Variants in DGKB observed in about 807,000 individuals in gnomAD.
The protein encoded by DGKB is 90 kDa diacylglycerol kinase.
DGKB carries 67 observed loss-of-function variants against 114.3 expected under a neutral mutation model. That is an observed-to-expected ratio of 0.59 (90% CI 0.48 to 0.72). DGKB has a LOEUF of 0.72. DGKB is among the 30% of genes least tolerant of loss of function. The pLI is 0.00. For synonymous variants in DGKB, 398 were observed against 323.1 expected (o/e 1.23, Z -2.49); for missense variants, 907 against 975.2 (o/e 0.93, Z 0.93).
intron 5 of DGKB, among the ~76,000 whole-genome samples, chr7:14,728,876 T>C (rs998380097): frequency 1.3e-5 from 2 of 151,864 alleles, no homozygotes; most frequent in African/African-American, 4.8e-5. Flanking sequence ...CTGATTTTTG[T>C]ATTTTTAGTA....
intron 21 of DGKB, among the ~76,000 whole-genome samples, chr7:14,354,058 C>T (rs1814008568): frequency 6.6e-6 from 1 of 152,100 alleles, no homozygotes; most frequent in Non-Finnish European, 1.5e-5. Context: ...TTTTCTTCTT[C>T]CCCCATCCCA....
chr7:14,864,034 G>A (rs898219283), intron 1 of DGKB, among the ~76,000 whole-genome samples: 1 of 151,214 alleles, frequency 6.6e-6, no homozygotes, highest in African/African-American at 2.4e-5. Context: ...AGGAGGCAGA[G>A]GTTGCGATCA....
intron 13 of DGKB, among the ~76,000 whole-genome samples, chr7:14,660,741 G>A (rs62443691): frequency 0.021 from 3,249 of 151,826 alleles, 49 homozygotes; most frequent in South Asian, 0.038. Flanking sequence ...AGCCCGCATC[G>A]CCAAGTCAAT....
intron 21 of DGKB, among the ~76,000 whole-genome samples, chr7:14,421,425 A>G (rs1826676847): frequency 1.3e-5 from 2 of 152,120 alleles, no homozygotes; most frequent in African/African-American, 4.8e-5. Context: ...ATGTATGTTT[A>G]TAAAGTGCAT....
At chr7:14,524,317 C>A (rs1790276475) in intron 20 of DGKB, among the ~76,000 whole-genome samples, 1 of 152,128 alleles carries the variant, frequency 6.6e-6, no homozygotes, top group Non-Finnish European at 1.5e-5. Flanking sequence ...TGCTACCATT[C>A]CTTGCTTCAG....
At chr7:14,755,988 A>C (rs1834814068) in intron 3 of DGKB, among the ~76,000 whole-genome samples, 1 of 152,106 alleles carries the variant, frequency 6.6e-6, no homozygotes, top group Non-Finnish European at 1.5e-5. Context: ...ATGTGTGTCT[A>C]ATAATGATCT....
intron 2 of DGKB, among the ~76,000 whole-genome samples, chr7:14,804,067 T>TGGGGTG (rs57126337): frequency 0.026 from 3,126 of 122,374 alleles, 101 homozygotes; most frequent in African/African-American, 0.11. Flanking sequence ...ACTTCACTTT[T>TGGGGTG]TGGGTGTGTG....
chr7:14,453,913 T>A (rs1205062713), intron 21 of DGKB, among the ~76,000 whole-genome samples: 1 of 152,182 alleles, frequency 6.6e-6, no homozygotes, highest in Admixed American at 6.6e-5. Context: ...TTATTACTTA[T>A]CAGTGGGAAG....
intron 20 of DGKB, 51 bp from the exon 21 acceptor site, chr7:14,478,276 T>C: frequency 9.1e-7 from 1 of 1,103,544 alleles, no homozygotes. Context: ...GATCCTATTA[T>C]TTTATGAAAA....
chr7:14,642,983 C>A (rs2128877655), intron 13 of DGKB, among the ~76,000 whole-genome samples: 1 of 152,236 alleles, frequency 6.6e-6, no homozygotes, highest in Middle Eastern at 3.4e-3. Context: ...TTCCCGACAC[C>A]ATCAAGATGG....
intron 13 of DGKB, among the ~76,000 whole-genome samples, chr7:14,656,833 A>C (rs917451167): frequency 4.0e-5 from 6 of 151,654 alleles, no homozygotes; most frequent in Admixed American, 2.6e-4. Context: ...TTAAGTATAC[A>C]ACTCTACCTT....
chr7:14,770,550 T>C (rs1837263103), intron 2 of DGKB, among the ~76,000 whole-genome samples: 1 of 152,078 alleles, frequency 6.6e-6, no homozygotes, highest in Non-Finnish European at 1.5e-5. Flanking sequence ...TGAGAGAAGT[T>C]TTCTGTAACC....
chr7:14,398,614 A>G (rs1467236973), intron 21 of DGKB, among the ~76,000 whole-genome samples: 31 of 152,022 alleles, frequency 2.0e-4, no homozygotes. Context: ...CAAATCATCT[A>G]CAGAAGTAAA....
At chr7:14,652,951 T>C (rs932004361) in intron 13 of DGKB, among the ~76,000 whole-genome samples, 23 of 151,748 alleles carry the variant, frequency 1.5e-4, no homozygotes, top group African/African-American at 4.8e-4. Flanking sequence ...AAAACCATAA[T>C]GAGATACCAT....
intron 23 of DGKB, among the ~76,000 whole-genome samples, chr7:14,228,805 C>T (rs545884104): frequency 2.0e-5 from 3 of 151,768 alleles, no homozygotes; most frequent in Admixed American, 2.0e-4. Flanking sequence ...AAAATGTATT[C>T]TTTTCTGTCT....
chr7:14,227,616 A>T (rs1478398731), intron 23 of DGKB, among the ~76,000 whole-genome samples: 2 of 152,032 alleles, frequency 1.3e-5, no homozygotes, highest in Non-Finnish European at 2.9e-5. Flanking sequence ...GGGAGGCAGA[A>T]AGGAGAAGGA....
At chr7:14,870,239 G>A (rs1484506396) in intron 1 of DGKB, among the ~76,000 whole-genome samples, 6 of 152,128 alleles carry the variant, frequency 3.9e-5, no homozygotes, top group African/African-American at 7.2e-5. Flanking sequence ...CAGATAAAGT[G>A]CCCTCTCCAC....
intron 13 of DGKB, among the ~76,000 whole-genome samples, chr7:14,639,978 C>T (rs1016141274): frequency 6.6e-6 from 1 of 152,144 alleles, no homozygotes; most frequent in African/African-American, 2.4e-5. Flanking sequence ...GTTATCTACA[C>T]ACCTGCACAA....
At chr7:14,571,707 A>G (rs1325002001) in intron 20 of DGKB, among the ~76,000 whole-genome samples, 6 of 152,234 alleles carry the variant, frequency 3.9e-5, no homozygotes, top group Non-Finnish European at 8.8e-5. Context: ...ATTATATTAA[A>G]AGCCGAAGTG....
Sources: gnomAD v4.1 joint callset for allele counts (sites outside exome capture counted in the v4.1 genomes callset) on GRCh38, gnomAD v4.1.1 for gene constraint, MANE v1.5 for transcripts, NCBI Gene and HGNC (gene_info 2026-07-23, HGNC 2026-07-21) for gene names.